The following DST variants were observed in gnomAD, a reference collection of about 807,000 sequenced individuals.
DST encodes the protein dystonin.
DST carries 253 observed loss-of-function variants against 875.2 expected under a neutral mutation model. The ratio of observed to expected loss-of-function variants is 0.29; its 90% confidence interval spans 0.26 to 0.32. The LOEUF is 0.32. Ranked by LOEUF, DST falls within the 10% of genes least tolerant of loss-of-function variation. The pLI, the probability that DST is intolerant of heterozygous loss-of-function variation, is 1.00. For missense variants in DST, 8,287 were observed against 9,111.6 expected (o/e 0.91, Z 3.68); for synonymous variants, 3,124 against 3,197.1 (o/e 0.98, Z 0.77).
At chr6:56,545,630 A>C (rs78464249) in intron 61 of DST, among the ~76,000 whole-genome samples, 1 of 152,158 alleles carries the variant, frequency 6.6e-6, no homozygotes, top group East Asian at 1.9e-4. Flanking sequence ...ATCATAGAAA[A>C]GTTTTATCAT....
intron 3 of DST, among the ~76,000 whole-genome samples, chr6:56,861,351 G>A (rs919505501): frequency 2.0e-5 from 3 of 152,128 alleles, no homozygotes; most frequent in Non-Finnish European, 4.4e-5. Context: ...GCACCCAATC[G>A]GAACCAGGGA....
At chr6:56,620,724 G>C (rs1228004802) in intron 36 of DST, 1 of 1,610,528 alleles carries the variant, frequency 6.2e-7, no homozygotes, top group Non-Finnish European at 8.5e-7. Context: ...ATCTACAAAA[G>C]ACATTTTGAA....
In DST at chr6:56,867,288, T is replaced by G. The variant is rs150039831; in HGVS notation, c.418-15684A>C. Among the ~76,000 whole-genome samples the G allele has an allele frequency of 3.5e-3, 540 of 152,302 alleles. 1 individual carries two copies. Among genetic ancestry groups the G allele is most frequent in the African/African-American group, 0.012 (502 of 41,558 alleles). ...AGGGTTGCTATATTAAATGACCTAA[T>G]GCCCATTGCCAAGCACAGAGCCTGA... is the stretch of plus-strand genomic sequence containing the variant. On this transcript the variant is annotated intron_variant, in intron 3 of 103. Coordinates refer to ENST00000680361, the MANE Select transcript of DST (RefSeq NM_001374736.1).
chr6:56,711,926 C>T (rs2099365249), intron 5 of DST, among the ~76,000 whole-genome samples: 1 of 151,328 alleles, frequency 6.6e-6, no homozygotes, highest in Admixed American at 6.6e-5. Flanking sequence ...CCCGTCTCTA[C>T]TAAAAATACA....
At chr6:56,807,775 C>A (rs1378749506) in intron 4 of DST, among the ~76,000 whole-genome samples, 2 of 152,086 alleles carry the variant, frequency 1.3e-5, no homozygotes, top group African/African-American at 2.4e-5. Context: ...TATAAAACTT[C>A]TAGAAAAAAA....
intron 49 of DST, among the ~76,000 whole-genome samples, chr6:56,582,614 A>G (rs950938358): frequency 3.7e-5 from 5 of 134,898 alleles, no homozygotes; most frequent in African/African-American, 1.5e-4. Context: ...TTTTTTTTTT[A>G]TTAAAGTTTT....
intron 50 of DST, among the ~76,000 whole-genome samples, chr6:56,575,163 G>C (rs1352904462): frequency 6.6e-6 from 1 of 152,036 alleles, no homozygotes; most frequent in East Asian, 1.9e-4. Context: ...ACAAGCAGTG[G>C]GTTCAAAAAT....
At chr6:56,939,961 G>A (rs905261539) in intron 2 of DST, among the ~76,000 whole-genome samples, 9 of 151,992 alleles carry the variant, frequency 5.9e-5, no homozygotes, top group African/African-American at 2.2e-4. Context: ...GGGAGGTGGA[G>A]GTTGCAGTGA....
chr6:56,600,114 A>G lies in DST; in HGVS notation c.11649T>C (p.Ile3883=), dbSNP rs915282429. 6.2e-7 allele frequency: 1 copy of G among 1,612,924 alleles called. No individual in the cohort carries two copies. Among genetic ancestry groups the G allele is most frequent in the Non-Finnish European group, 8.5e-7 (1 of 1,179,264 alleles). Residue 3883 remains isoleucine, a synonymous_variant, in exon 45 of 104, where the codon ATT becomes ATC. Transcript: ENST00000680361. ...RLIGHQEAFM[I]GDGTVELKKY... is the part of the protein sequence containing the mutation. Reference sequence around the variant, plus strand: ...TCTTTAACTCAACTGTGCCATCTCCAATCATGAAGGCTTCTTGGTGACCAA... The same window carrying G: ...TCTTTAACTCAACTGTGCCATCTCCGATCATGAAGGCTTCTTGGTGACCAA...
chr6:56,591,969 G>A (rs1236564545), intron 49 of DST, among the ~76,000 whole-genome samples: 1 of 120,930 alleles, frequency 8.3e-6, no homozygotes, highest in Non-Finnish European at 1.6e-5. Flanking sequence ...ACGATGGAGT[G>A]AGACTCCATC....
chr6:56,623,747 A>G (rs981399975), intron 36 of DST, among the ~76,000 whole-genome samples: 1 of 152,084 alleles, frequency 6.6e-6, no homozygotes, highest in Admixed American at 6.5e-5. Context: ...TGTTCTGGGG[A>G]ATAGAAAGTA....
intron 49 of DST, among the ~76,000 whole-genome samples, chr6:56,588,646 A>G (rs557399478): frequency 6.6e-6 from 1 of 152,366 alleles, no homozygotes; most frequent in South Asian, 2.1e-4. Flanking sequence ...ATAAATGAAC[A>G]TATCAGATGT....
rs758936548 is a variant in DST at position 56,635,753 on chromosome 6, A to G, written c.3061-39T>C. On this transcript the variant is annotated intron_variant, in intron 23 of 103. Coordinates refer to ENST00000680361, the MANE Select transcript of DST (RefSeq NM_001374736.1). Reference sequence around the variant, plus strand: ...AAACCTGGAAGTTAAAGTATGTTAAATACCAGCAAAGCACACAGTTGTCAC... The same window carrying G: ...AAACCTGGAAGTTAAAGTATGTTAAGTACCAGCAAAGCACACAGTTGTCAC... 5.6e-6 allele frequency: 9 copies of G among 1,609,068 alleles called. 1 individual carries two copies. In the South Asian group the frequency reaches 9.9e-5, roughly 18 times the overall value.
chr6:56,749,336 A>C, intron 4 of DST, among the ~76,000 whole-genome samples: 1 of 152,090 alleles, frequency 6.6e-6, no homozygotes. Context: ...CCTGGGTGAC[A>C]GAGTATGACT....
intron 50 of DST, among the ~76,000 whole-genome samples, chr6:56,576,931 T>C (rs1367040790): frequency 6.6e-6 from 1 of 152,196 alleles, no homozygotes; most frequent in African/African-American, 2.4e-5. Flanking sequence ...TTTGTCATAG[T>C]GGGCTAAACG....
At chr6:56,647,948 A>C (rs1043129936) in intron 13 of DST, among the ~76,000 whole-genome samples, 4 of 152,128 alleles carry the variant, frequency 2.6e-5, no homozygotes, top group Non-Finnish European at 4.4e-5. Flanking sequence ...GGCCTCCCAA[A>C]GTGCTGGGAT....
chr6:56,947,533 C>G (rs549077492), intron 2 of DST, among the ~76,000 whole-genome samples: 3 of 152,216 alleles, frequency 2.0e-5, no homozygotes, highest in Non-Finnish European at 4.4e-5. Flanking sequence ...CAGGCGTGAG[C>G]CACCACGCCC....
chr6:56,517,421 T>C, intron 70 of DST, 80 bp downstream of exon 70: 1 of 1,596,132 alleles, frequency 6.3e-7, no homozygotes, highest in Non-Finnish European at 8.5e-7. Flanking sequence ...TCTTAAAAAG[T>C]AAATCATACA....
Position 56,466,058 on chromosome 6 carries a change from C to A in DST, c.22687+20G>T. 6.4e-7 allele frequency: 1 copy of A among 1,554,258 alleles called. No individual in the cohort carries two copies. The highest frequency in any genetic ancestry group is 8.8e-7 in the Non-Finnish European group (1 of 1,131,198). Reference sequence around the variant, plus strand: ...AATTGAAATACTTTCATGATGTTATCATGATAAGCATCTCCTTACCCCTGC... The same window carrying A: ...AATTGAAATACTTTCATGATGTTATAATGATAAGCATCTCCTTACCCCTGC... On this transcript the variant is annotated intron_variant, in intron 99 of 103. Coordinates refer to ENST00000680361, the MANE Select transcript of DST (RefSeq NM_001374736.1).
Sources: gnomAD v4.1 joint callset for allele counts (sites outside exome capture counted in the v4.1 genomes callset) on GRCh38, gnomAD v4.1.1 for gene constraint, MANE v1.5 for transcripts, NCBI Gene and HGNC (gene_info 2026-07-23, HGNC 2026-07-21) for gene names.